RBPJ: variants seen among roughly 807,000 people sequenced by gnomAD.
RBPJ encodes recombination signal binding protein for immunoglobulin kappa J region, also known as recombining binding protein suppressor of hairless.
RBPJ carries 9 observed loss-of-function variants against 67.8 expected under a neutral mutation model. The observed-to-expected ratio is 0.13, with a 90% CI of 0.08 to 0.23. The LOEUF is 0.23. Among genes scored for constraint, RBPJ ranks in the 10% least tolerant of loss-of-function variants. RBPJ has a pLI of 1.00. For missense variants in RBPJ, 305 were observed against 595.6 expected (o/e 0.51, Z 5.08); for synonymous variants, 198 against 203.3 (o/e 0.97, Z 0.22).
At chr4:26,355,155 A>G (rs1727236246) in intron 1 of RBPJ, among the ~76,000 whole-genome samples, 2 of 152,032 alleles carry the variant, frequency 1.3e-5, no homozygotes, top group Admixed American at 1.3e-4. Flanking sequence ...CAGTCTTCCT[A>G]CCTAAGCCAC....
At chr4:26,380,709 G>A (rs1045930339) in intron 1 of RBPJ, among the ~76,000 whole-genome samples, 11 of 151,918 alleles carry the variant, frequency 7.2e-5, no homozygotes, top group Non-Finnish European at 1.3e-4. Flanking sequence ...TTTATATACT[G>A]TTTACAGCAG....
At chr4:26,299,836 G>A (rs1722015162) in intron 1 of RBPJ, among the ~76,000 whole-genome samples, 1 of 151,664 alleles carries the variant, frequency 6.6e-6, no homozygotes. Flanking sequence ...CTGCCACCAC[G>A]CCTGACTAAT....
At chr4:26,390,513 A>C (rs1409463000) in intron 2 of RBPJ, among the ~76,000 whole-genome samples, 5 of 152,242 alleles carry the variant, frequency 3.3e-5, no homozygotes, top group African/African-American at 1.2e-4. Context: ...TCTTGCTACT[A>C]GAACTGATAA....
intron 1 of RBPJ, among the ~76,000 whole-genome samples, chr4:26,355,719 T>C (rs1304729582): frequency 6.6e-6 from 1 of 152,176 alleles, no homozygotes; most frequent in Non-Finnish European, 1.5e-5. Context: ...CCTTGAGTTA[T>C]ATAAAACGTA....
the RBPJ span, among the ~76,000 whole-genome samples, chr4:26,126,616 A>C: frequency 3.3e-5 from 5 of 152,246 alleles, no homozygotes; most frequent in African/African-American, 9.6e-5. Context: ...TCATTTTCCA[A>C]ACTTGTTCTG....
chr4:26,404,493 C>T (rs183386516), intron 2 of RBPJ, among the ~76,000 whole-genome samples: 1 of 152,232 alleles, frequency 6.6e-6, no homozygotes, highest in East Asian at 1.9e-4. Context: ...TTGACTCTAT[C>T]ATTGTCAACC....
chr4:26,320,930 G>A, upstream of RBPJ: 1 of 1,608,994 alleles, frequency 6.2e-7, no homozygotes, highest in Non-Finnish European at 8.5e-7. Flanking sequence ...GGGTGGAATC[G>A]AGGAGTGAGG....
chr4:26,396,217 A>G (rs1233767352), intron 2 of RBPJ, among the ~76,000 whole-genome samples: 1 of 152,262 alleles, frequency 6.6e-6, no homozygotes, highest in Non-Finnish European at 1.5e-5. Flanking sequence ...GATCTGCTAC[A>G]TGAATAGTAA....
chr4:26,210,727 C>CCTTCTTTCTTTACTTCTTAA, intron 1 of RBPJ, among the ~76,000 whole-genome samples: 1 of 61,848 alleles, frequency 1.6e-5, no homozygotes, highest in Admixed American at 1.8e-4. Flanking sequence ...TTCTTTCTTT[C>CCTTCTTTCTTTACTTCTTAA]CTTCTTTACT....
rs982004373 is a variant in RBPJ at position 26,289,293 on chromosome 4, A to G, written c.-166-73153A>G. On this transcript the variant is annotated intron_variant, in intron 1 of 4. Transcript: ENST00000512351. Reference sequence around the variant, plus strand: ...GTGCCTGTGATCCCAGCTACTTGGGAGGCTGAGGTGGGAGAACCACTTGAA... The same window carrying G: ...GTGCCTGTGATCCCAGCTACTTGGGGGGCTGAGGTGGGAGAACCACTTGAA... Among the ~76,000 whole-genome samples, 6 of 141,350 alleles carry G rather than the reference A, an allele frequency of 4.2e-5. 1 individual carries two copies. Among genetic ancestry groups the G allele is most frequent in the Non-Finnish European group, 6.1e-5 (4 of 65,242 alleles). 92.7% of individuals were successfully genotyped at this position (141,350 alleles called of 152,430 possible).
At chr4:26,345,083 GATTTTTGTGCACATTAAAAATAACC>G (rs1725994944) in intron 1 of RBPJ, among the ~76,000 whole-genome samples, 1 of 152,144 alleles carries the variant, frequency 6.6e-6, no homozygotes, top group Non-Finnish European at 1.5e-5. Context: ...TTTTCATGAG[GATTTTTGTGCACATTAAAAATAACC>G]ATTTTTGTGA....
At chr4:26,167,584 T>C (rs1716370427) in intron 1 of RBPJ, among the ~76,000 whole-genome samples, 1 of 142,864 alleles carries the variant, frequency 7.0e-6, no homozygotes, top group Non-Finnish European at 1.5e-5. Flanking sequence ...GAGACTTTGC[T>C]GAAGTTGCTT....
chr4:26,283,649 C>CT (rs371025225), intron 1 of RBPJ, among the ~76,000 whole-genome samples: 65,361 of 142,240 alleles, frequency 0.46, 14,948 homozygotes, highest in Admixed American at 0.48. Context: ...TTTAACTAAA[C>CT]TTTTTTTTTT....
intron 1 of RBPJ, among the ~76,000 whole-genome samples, chr4:26,223,103 C>T (rs1718968835): frequency 6.9e-6 from 1 of 145,232 alleles, no homozygotes; most frequent in African/African-American, 2.6e-5. Flanking sequence ...TGCAGTGAGC[C>T]AAGATTGCGC....
intron 1 of RBPJ, among the ~76,000 whole-genome samples, chr4:26,179,939 A>G (rs781240835): frequency 6.6e-6 from 1 of 152,218 alleles, no homozygotes; most frequent in East Asian, 1.9e-4. Flanking sequence ...TCCATCAACT[A>G]CAGACTGGTT....
chr4:26,124,018 A>G, the RBPJ span, among the ~76,000 whole-genome samples: 1 of 152,146 alleles, frequency 6.6e-6, no homozygotes, highest in Non-Finnish European at 1.5e-5. Context: ...ATTTATTATT[A>G]TCATGTTTTA....
chr4:26,189,706 T>C (rs1396050794), intron 1 of RBPJ, among the ~76,000 whole-genome samples: 1 of 152,180 alleles, frequency 6.6e-6, no homozygotes, highest in Admixed American at 6.5e-5. Context: ...ACAGTATAGA[T>C]TTGATAAAAT....
chr4:26,401,953 A>G (rs763300764), intron 2 of RBPJ, among the ~76,000 whole-genome samples: 16 of 148,912 alleles, frequency 1.1e-4, no homozygotes, highest in Admixed American at 2.0e-4. Context: ...CAATGGTGCA[A>G]TCTTGGCTGA....
At chr4:26,290,785 A>C (rs1721641256) in intron 1 of RBPJ, among the ~76,000 whole-genome samples, 1 of 150,726 alleles carries the variant, frequency 6.6e-6, no homozygotes, top group Non-Finnish European at 1.5e-5. Flanking sequence ...AAAGTAGATA[A>C]CTTAGTGCAC....
Sources: gnomAD v4.1 joint callset for allele counts (sites outside exome capture counted in the v4.1 genomes callset) on GRCh38, gnomAD v4.1.1 for gene constraint, MANE v1.5 for transcripts, NCBI Gene and HGNC (gene_info 2026-07-23, HGNC 2026-07-21) for gene names.